Variants in CCL28 observed in about 807,000 individuals in gnomAD.
The protein encoded by CCL28 is C-C motif chemokine 28.
A neutral mutation model predicts 7.1 loss-of-function variants in CCL28; 4 were observed. The observed-to-expected ratio is 0.56, with a 90% confidence interval of 0.28 to 1.29. The LOEUF (loss-of-function observed/expected upper bound fraction) is 1.29. Ranked by LOEUF, CCL28 falls within the 50% of genes most tolerant of loss-of-function variation. The pLI is 0.11. For missense variants in CCL28, 151 were observed against 163.4 expected, an observed-to-expected ratio of 0.92 and a Z score of 0.41; for synonymous variants, 55 against 57.8, an observed-to-expected ratio of 0.95 and a Z score of 0.22.
At chr5:43,405,911 T>C in intron 1 of CCL28, among the ~76,000 whole-genome samples, 1 of 152,118 alleles carries the variant, frequency 6.6e-6, no homozygotes, top group East Asian at 1.9e-4. Flanking sequence ...AATGGATAAA[T>C]TCCTGGACAC....
chr5:43,384,916 T>C (rs1740273570), intron 2 of CCL28, among the ~76,000 whole-genome samples: 1 of 151,994 alleles, frequency 6.6e-6, no homozygotes, highest in Non-Finnish European at 1.5e-5. Context: ...AACTTTTTTT[T>C]TTTTTTTTGA....
At chr5:43,394,015 T>C (rs1740696171) in intron 1 of CCL28, among the ~76,000 whole-genome samples, 1 of 152,210 alleles carries the variant, frequency 6.6e-6, no homozygotes, top group South Asian at 2.1e-4. Flanking sequence ...GCTTACTCAG[T>C]AATACTTTTT....
chr5:43,403,870 C>T (rs1412702164), intron 1 of CCL28, among the ~76,000 whole-genome samples: 1 of 152,070 alleles, frequency 6.6e-6, no homozygotes. Flanking sequence ...AATGCAGAAG[C>T]CTCAGTAGCC....
At chr5:43,376,645 T>A (rs945170158), downstream of CCL28, 2 of 151,798 alleles carry the variant, frequency 1.3e-5, no homozygotes, top group African/African-American at 4.8e-5. Flanking sequence ...GACAGCAGAG[T>A]TTGCAGCAGA....
intron 1 of CCL28, among the ~76,000 whole-genome samples, chr5:43,389,871 TG>T (rs1347986965): frequency 6.6e-6 from 1 of 152,142 alleles, no homozygotes; most frequent in Non-Finnish European, 1.5e-5. Flanking sequence ...GGAGAGAACA[TG>T]GGAAGTTAGG....
chr5:43,368,022 T>C, the CCL28 span, among the ~76,000 whole-genome samples: 3 of 152,188 alleles, frequency 2.0e-5, no homozygotes, highest in South Asian at 6.2e-4. Context: ...TGGGGTGCAG[T>C]GAAATGGTCA....
At chr5:43,407,871 C>A (rs141991650) in intron 1 of CCL28, among the ~76,000 whole-genome samples, 2,790 of 53,268 alleles carry the variant, frequency 0.052, 71 homozygotes, top group African/African-American at 0.22. Context: ...ATTTATGCAG[C>A]CAACAGACCA....
rs1349030003 is a variant in CCL28 at position 43,387,868 on chromosome 5, C to A, written c.191+482G>T. ...CTTGAACACCTGGGCTCAAGCGATA[C>A]CCCTGCCTTGGCCTCCCAAAGTGCT... On this transcript the variant is annotated intron_variant, in intron 2 of 2. Transcript: ENST00000361115. Among the ~76,000 whole-genome samples the A allele has an allele frequency of 2.6e-5, 4 of 152,206 alleles. 1 individual carries two copies. The South Asian group carries it at 6.2e-4, about 24-fold the overall frequency.
the CCL28 span, among the ~76,000 whole-genome samples, chr5:43,364,311 G>T: frequency 6.6e-6 from 1 of 151,912 alleles, no homozygotes; most frequent in African/African-American, 2.4e-5. Context: ...ATATATGTGT[G>T]TGTGTGTATG....
At chr5:43,362,929 C>T in the CCL28 span, among the ~76,000 whole-genome samples, 1 of 152,160 alleles carries the variant, frequency 6.6e-6, no homozygotes, top group African/African-American at 2.4e-5. Context: ...CAGTTGTCAC[C>T]CGTGATCTAC....
intron 1 of CCL28, among the ~76,000 whole-genome samples, chr5:43,407,674 A>C (rs1262050895): frequency 6.6e-6 from 1 of 152,274 alleles, no homozygotes; most frequent in Admixed American, 6.5e-5. Flanking sequence ...ACTTGTGCAC[A>C]GCAAAAGAAA....
At chr5:43,410,557 C>A (rs1399096652) in intron 1 of CCL28, among the ~76,000 whole-genome samples, 5 of 152,144 alleles carry the variant, frequency 3.3e-5, no homozygotes, top group African/African-American at 1.2e-4. Flanking sequence ...TCCACCCCAC[C>A]GTCTCTACCA....
At chr5:43,402,184 C>T (rs895434624) in intron 1 of CCL28, among the ~76,000 whole-genome samples, 1 of 152,190 alleles carries the variant, frequency 6.6e-6, no homozygotes, top group Admixed American at 6.5e-5. Flanking sequence ...TGCAGGAATT[C>T]TTCCTTGAGT....
intron 1 of CCL28, among the ~76,000 whole-genome samples, chr5:43,395,077 A>G (rs986855507): frequency 1.3e-5 from 2 of 151,120 alleles, no homozygotes; most frequent in African/African-American, 4.8e-5. Flanking sequence ...CCTTTGAAAG[A>G]GTTTGTATAA....
At chr5:43,363,325 G>T in the CCL28 span, among the ~76,000 whole-genome samples, 4 of 152,130 alleles carry the variant, frequency 2.6e-5, no homozygotes, top group Non-Finnish European at 4.4e-5. Context: ...TAGGCACCAG[G>T]AATACAACAG....
At chr5:43,372,049 G>A (rs1739794559), downstream of CCL28, among the ~76,000 whole-genome samples, 1 of 152,128 alleles carries the variant, frequency 6.6e-6, no homozygotes, top group South Asian at 2.1e-4. Flanking sequence ...TTAACAACCT[G>A]CTTTCCAGAT....
the CCL28 span, among the ~76,000 whole-genome samples, chr5:43,359,385 T>C: frequency 6.6e-6 from 1 of 152,260 alleles, no homozygotes; most frequent in Middle Eastern, 3.2e-3. Context: ...AAGGATGGGC[T>C]CTGGCTAGTT....
the CCL28 span, among the ~76,000 whole-genome samples, chr5:43,362,045 A>C: frequency 6.6e-6 from 1 of 152,250 alleles, no homozygotes; most frequent in Non-Finnish European, 1.5e-5. Flanking sequence ...TGTCATTGGT[A>C]GTTTGATAGA....
At chr5:43,360,470 G>A in the CCL28 span, among the ~76,000 whole-genome samples, 2 of 152,100 alleles carry the variant, frequency 1.3e-5, no homozygotes, top group East Asian at 3.9e-4. Flanking sequence ...CCCTCTTTGT[G>A]TCTATGTGTT....
Sources: gnomAD v4.1 joint callset for allele counts (sites outside exome capture counted in the v4.1 genomes callset) on GRCh38, gnomAD v4.1.1 for gene constraint, MANE v1.5 for transcripts, NCBI Gene and HGNC (gene_info 2026-07-23, HGNC 2026-07-21) for gene names.